Variants in CTBP2 observed in about 807,000 individuals in gnomAD.
CTBP2 encodes C-terminal binding protein 2.
Under a neutral mutation model 80.3 loss-of-function variants are expected in CTBP2, and 30 were observed. The observed-to-expected ratio is 0.37, with a 90% CI of 0.28 to 0.51. The LOEUF (loss-of-function observed/expected upper bound fraction) is 0.51. Among genes scored for constraint, CTBP2 ranks in the 20% least tolerant of loss-of-function variants. The probability of loss-of-function intolerance (pLI) is 0.93; values close to 1 mark genes in which losing one functional copy is unlikely to be tolerated. For missense variants in CTBP2, 1,212 were observed against 1,375.3 expected, an observed-to-expected ratio of 0.88 and a Z score of 1.88; for synonymous variants, 594 against 587.4, an observed-to-expected ratio of 1.01 and a Z score of -0.16.
rs552472423 is a variant in CTBP2, at chr10:125,011,005, G to C, written c.1679-7513C>G. Among the ~76,000 whole-genome samples, 12 of 152,300 alleles carry C rather than the reference G, an allele frequency of 7.9e-5. No homozygotes were observed. In the East Asian group the frequency reaches 2.1e-3, roughly 27 times the overall value. ...CTCTTACTTGTGAACAATTTAAAAG[G>C]GTTTATGGCAAAGGTTTCATGTGAA... On this transcript the variant is annotated intron_variant, in intron 1 of 8. Coordinates refer to ENST00000309035, the MANE Select transcript of CTBP2 (RefSeq NM_022802.3).
intron 3 of CTBP2, among the ~76,000 whole-genome samples, chr10:125,002,222 A>T (rs1264495081): frequency 6.6e-6 from 1 of 152,228 alleles, no homozygotes; most frequent in Non-Finnish European, 1.5e-5. Flanking sequence ...GAGCAAGCAC[A>T]GTGCCCACCT....
intron 1 of CTBP2, among the ~76,000 whole-genome samples, chr10:125,141,023 G>A (rs920001406): frequency 2.0e-4 from 30 of 150,842 alleles, no homozygotes; most frequent in African/African-American, 5.9e-4. Flanking sequence ...CTGTAATCCC[G>A]GCTACTCGGG....
At chr10:125,056,173 AAATAATAATAAT>A (rs747765698) in intron 2 of CTBP2, among the ~76,000 whole-genome samples, 1 of 149,376 alleles carries the variant, frequency 6.7e-6, no homozygotes, top group African/African-American at 2.5e-5. Context: ...TCAAAAATAA[AAATAATAATAAT>A]AATAATAATA....
At position 125,150,533 on chromosome 10, in the gene CTBP2, G is replaced by C. The variant is rs962331186; in HGVS notation, c.-206+9786C>G. Among the ~76,000 whole-genome samples the C allele has an allele frequency of 5.9e-5, 9 of 152,124 alleles. No homozygotes were observed. In the South Asian group the frequency reaches 8.3e-4, roughly 14 times the overall value. ...CCAGTCAAAGGCCACAAGAAGCCTC[G>C]GTCAGCCACAGAGAAGCCAGAGCCA... On this transcript the variant is annotated intron_variant, in intron 1 of 10. Coordinates refer to the CTBP2 transcript ENST00000337195.
intron 2 of CTBP2, among the ~76,000 whole-genome samples, chr10:125,067,445 A>G (rs12266896): frequency 1.4e-3 from 212 of 152,204 alleles, no homozygotes; most frequent in African/African-American, 4.1e-3. Context: ...GTCTCATACT[A>G]ATGTAATGTC....
At chr10:125,060,463 CGTGTGTGTGTGTGT>C (rs56032803) in intron 2 of CTBP2, among the ~76,000 whole-genome samples, 264 of 147,966 alleles carry the variant, frequency 1.8e-3, no homozygotes, top group Middle Eastern at 7.0e-3. Context: ...ATTCCCCCCA[CGTGTGTGTGTGTGT>C]GTGTGTGTGT....
chr10:125,064,445 T>C (rs1844321393), intron 2 of CTBP2, among the ~76,000 whole-genome samples: 1 of 152,100 alleles, frequency 6.6e-6, no homozygotes, highest in Non-Finnish European at 1.5e-5. Context: ...ACAGCGTTCT[T>C]GGTGAGGACA....
chr10:125,032,610 G>A (rs542967565), upstream of CTBP2, among the ~76,000 whole-genome samples: 2 of 152,290 alleles, frequency 1.3e-5, no homozygotes, highest in Admixed American at 6.5e-5. Flanking sequence ...AGGCATGGCC[G>A]CTTAGCCCCT....
chr10:125,052,193 G>A (rs781503702), intron 2 of CTBP2, among the ~76,000 whole-genome samples: 1 of 152,216 alleles, frequency 6.6e-6, no homozygotes, highest in Non-Finnish European at 1.5e-5. Context: ...TGCAGGGGCA[G>A]CAATCTGTGC....
At chr10:125,116,028 A>C (rs749477974) in intron 1 of CTBP2, among the ~76,000 whole-genome samples, 1 of 152,094 alleles carries the variant, frequency 6.6e-6, no homozygotes, top group Non-Finnish European at 1.5e-5. Context: ...GGATCCTTTC[A>C]ACAGGGATTT....
chr10:125,128,566 A>G (rs1420907692), intron 1 of CTBP2, among the ~76,000 whole-genome samples: 1 of 152,164 alleles, frequency 6.6e-6, no homozygotes, highest in East Asian at 1.9e-4. Context: ...AACGGTGCAG[A>G]CCCCTGCCCC....
chr10:125,161,316 T>G (rs1359255692), upstream of CTBP2: 2 of 151,716 alleles, frequency 1.3e-5, no homozygotes, highest in African/African-American at 4.8e-5. Context: ...GGGGCCGAGG[T>G]CCTGTCGCGG....
chr10:125,055,984 G>T (rs1963825381), intron 2 of CTBP2, among the ~76,000 whole-genome samples: 1 of 152,018 alleles, frequency 6.6e-6, no homozygotes, highest in Non-Finnish European at 1.5e-5. Context: ...GGCCAACATG[G>T]TGAAACCCCG....
chr10:125,074,698 G>A (rs1331866889), intron 2 of CTBP2, among the ~76,000 whole-genome samples: 1 of 152,214 alleles, frequency 6.6e-6, no homozygotes, highest in Admixed American at 6.5e-5. Context: ...GTTTCAGAGT[G>A]CACAGCATGT....
Position 124,989,648 on chromosome 10 carries a change from A to G in CTBP2, c.2828T>C (p.Met943Thr). 3.1e-6 allele frequency: 5 copies of G among 1,608,646 alleles called. No homozygotes were observed. The highest frequency in any genetic ancestry group is 4.2e-6 in the Non-Finnish European group (5 of 1,176,962). ...GATGCCTCCAGGGATGATCCCTTCC[A>G]TGGCTGCAGGAAGTCCTCCTGGAGC... is the stretch of plus-strand genomic sequence containing the variant. The change falls in exon 9 of 9, where the codon ATG (methionine) becomes ACG (threonine). Residue 943 changes from methionine to threonine, a missense_variant. Around this residue, in one of 3 missense-constraint regions of CTBP2, gnomAD observed 335 missense variants for 504.7 expected, o/e 0.66. Coordinates refer to ENST00000309035, the MANE Select transcript of CTBP2 (RefSeq NM_022802.3).
At chr10:125,085,152 A>C (rs1847790524) in intron 2 of CTBP2, among the ~76,000 whole-genome samples, 1 of 152,246 alleles carries the variant, frequency 6.6e-6, no homozygotes, top group South Asian at 2.1e-4. Context: ...ATACATCAGC[A>C]GGAGAAATGA....
intron 2 of CTBP2, among the ~76,000 whole-genome samples, chr10:125,054,177 G>A (rs551385766): frequency 6.6e-6 from 1 of 152,110 alleles, no homozygotes; most frequent in African/African-American, 2.4e-5. Flanking sequence ...GCCAGAAAAA[G>A]AATCAATCCC....
intron 2 of CTBP2, among the ~76,000 whole-genome samples, chr10:125,079,284 A>G (rs571836109): frequency 2.8e-4 from 43 of 152,278 alleles, no homozygotes; most frequent in African/African-American, 1.0e-3. Context: ...CGGAGGACAC[A>G]GGGCACAGCG....
rs148824862 is a variant in CTBP2 at position 124,997,595 on chromosome 10, C to T, written c.2185+369G>A. ...ACTGAACCCTACGCCAGCCCCTACACGAGCCCCAAGCCTGGCTGCTGCTTT... is the reference window on the plus strand; with the variant it reads ...ACTGAACCCTACGCCAGCCCCTACATGAGCCCCAAGCCTGGCTGCTGCTTT... On this transcript the variant is annotated intron_variant, in intron 4 of 8. Transcript: ENST00000309035. 1.6e-3 allele frequency: 439 copies of T among 280,958 alleles called. 9 individuals carry two copies. In the East Asian group the frequency reaches 0.03, roughly 19 times the overall value. 17.4% of individuals were successfully genotyped at this position (280,958 alleles called of 1,614,324 possible).
Sources: gnomAD v4.1 joint callset for allele counts (sites outside exome capture counted in the v4.1 genomes callset) on GRCh38, gnomAD v4.1.1 for gene constraint, gnomAD v4.1.1 regional missense constraint, MANE v1.5 for transcripts, NCBI Gene and HGNC (gene_info 2026-07-23, HGNC 2026-07-21) for gene names.